APLP2: variants seen among roughly 807,000 people sequenced by gnomAD.
The protein encoded by APLP2 is CDEI box-binding protein.
Under a neutral mutation model 89.9 loss-of-function variants are expected in APLP2, and 53 were observed. The ratio of observed to expected loss-of-function variants is 0.59; its 90% CI spans 0.47 to 0.74. The LOEUF (loss-of-function observed/expected upper bound fraction) is 0.74. Ranked by LOEUF, APLP2 falls within the 30% of genes least tolerant of loss-of-function variation. The probability of loss-of-function intolerance (pLI) is 0.00; values close to 1 mark genes in which losing one functional copy is unlikely to be tolerated. For missense variants in APLP2, 973 were observed against 975.9 expected (o/e 1.00, Z 0.04); for synonymous variants, 372 against 348.6 (o/e 1.07, Z -0.75).
intron 3 of APLP2, among the ~76,000 whole-genome samples, chr11:130,120,321 T>C (rs954044733): frequency 3.3e-5 from 5 of 152,182 alleles, no homozygotes; most frequent in Admixed American, 2.0e-4. Context: ...TGGTTTTAGT[T>C]TCTTGGGCAT....
At chr11:130,109,212 A>C (rs1591806867) in intron 1 of APLP2, 2 of 356,132 alleles carry the variant, frequency 5.6e-6, no homozygotes, top group Non-Finnish European at 9.6e-6. Context: ...TAAAATAAAT[A>C]AAAAAGTTTT....
chr11:130,113,181 A>G (rs11221968), intron 3 of APLP2, among the ~76,000 whole-genome samples: 14,820 of 152,206 alleles, frequency 0.097, 1,068 homozygotes, highest in African/African-American at 0.19. Flanking sequence ...CCTCAGCACC[A>G]TGGTAGTGCC....
rs1455920847 is a variant in APLP2 at position 130,126,737 on chromosome 11, G to A, written c.1128G>A (p.Val376=). The A allele has an allele frequency of 1.9e-6, 3 of 1,614,166 alleles. No individual in the cohort carries two copies. Among genetic ancestry groups the A allele is most frequent in the Non-Finnish European group, 8.5e-7 (1 of 1,180,032 alleles). ...PTPLPTNDVD[V]YFETSADDNE... is the part of the protein sequence containing the mutation. ...CTCTGCCAACCAATGATGTTGATGTGTATTTCGAGACCTCTGCAGATGATA... is the reference window on the plus strand; with the variant it reads ...CTCTGCCAACCAATGATGTTGATGTATATTTCGAGACCTCTGCAGATGATA... Residue 376 remains valine (V), a synonymous_variant, in exon 8 of 17, where the codon GTG becomes GTA. Transcript: ENST00000338167.
At chr11:130,077,626 A>G (rs1352163665) in intron 1 of APLP2, among the ~76,000 whole-genome samples, 1 of 151,292 alleles carries the variant, frequency 6.6e-6, no homozygotes, top group Non-Finnish European at 1.5e-5. Flanking sequence ...AAAAAAAACA[A>G]AAAACCACTG....
At chr11:130,111,269 A>G (rs1460266867) in intron 3 of APLP2, among the ~76,000 whole-genome samples, 2 of 152,194 alleles carry the variant, frequency 1.3e-5, no homozygotes, top group Non-Finnish European at 2.9e-5. Context: ...TGTTGCTTCA[A>G]ATGCTCAGGG....
intron 12 of APLP2, 52 bp from the exon 13 acceptor site, chr11:130,135,511 A>G: frequency 6.3e-7 from 1 of 1,588,982 alleles, no homozygotes; most frequent in South Asian, 1.1e-5. Flanking sequence ...CTGTGCCTGG[A>G]CACCAGGCCC....
Position 130,135,608 on chromosome 11 carries a change from C to T in APLP2, c.1730C>T (p.Ala577Val). 2.5e-6 allele frequency: 4 copies of T among 1,614,160 alleles called. No homozygotes were observed. Among genetic ancestry groups the T allele is most frequent in the Non-Finnish European group, 2.5e-6 (3 of 1,180,038 alleles). The stretch of plus-strand genomic sequence containing the variant: ...CGTGCAGATATGGACCAGTTCACTG[C>T]CTCAATCTCAGAGACCCCTGTGGAC... ...EQRADMDQFT[A>V]SISETPVDVR... Residue 577 changes from alanine to valine, a missense_variant, in exon 13 of 17, where the codon GCC (alanine) becomes GTC (valine). By Grantham distance (64) the Ala-to-Val change is moderately conservative (BLOSUM62 0). Transcript: ENST00000338167.
Position 130,141,808 on chromosome 11 carries a change from T to C in APLP2, c.1999-111T>C. On this transcript the variant is annotated intron_variant, in intron 15 of 16. Transcript: ENST00000338167. This position sits in a 1 kb window ranked among gnomAD's most constrained non-coding sequence, Gnocchi z 4.2. ...CTGCAAAGCAGGATCTTGGTGCTAC[T>C]TTGGGTTTTAGGGGCTCGACCTTCC... 7.5e-7 allele frequency: 1 copy of C among 1,331,938 alleles called. No homozygotes were observed. The highest frequency in any genetic ancestry group is 1.0e-6 in the Non-Finnish European group (1 of 968,268). 82.5% of individuals were successfully genotyped at this position (1,331,938 alleles called of 1,614,324 possible).
intron 1 of APLP2, among the ~76,000 whole-genome samples, chr11:130,087,834 T>TA (rs1299173661): frequency 4.6e-5 from 7 of 152,096 alleles, no homozygotes; most frequent in South Asian, 2.1e-4. Context: ...GGATCTACAT[T>TA]AAAAAAAATC....
Position 130,126,701 on chromosome 11 carries a change from TC to T in APLP2, c.1094del (p.Pro365LeufsTer44). On this transcript the variant is annotated frameshift_variant and splice_region_variant, in exon 8 of 17. Transcript: ENST00000338167. LOFTEE classifies it high-confidence loss of function. ...YCMAVCKAMI[P>X]PTPLPTNDVD... ...ACTCCCTCTGTAATTTTGTTTCAGT[TC>T]CTCCAACTCCTCTGCCAACCAATGA... The T allele has an allele frequency of 6.2e-7, 1 of 1,613,764 alleles. No homozygotes were observed. The highest frequency in any genetic ancestry group is 8.5e-7 in the Non-Finnish European group (1 of 1,179,654).
At chr11:130,135,083 T>A (rs779344861) in intron 12 of APLP2, among the ~76,000 whole-genome samples, 1 of 150,924 alleles carries the variant, frequency 6.6e-6, no homozygotes, top group Non-Finnish European at 1.5e-5. Context: ...AAGTGGTAGT[T>A]GTAGTTACGT....
chr11:130,115,245 GTGTC>G (rs1267445393), intron 3 of APLP2, among the ~76,000 whole-genome samples: 1 of 151,920 alleles, frequency 6.6e-6, no homozygotes, highest in Non-Finnish European at 1.5e-5. Context: ...TATATAGTAG[GTGTC>G]TGTATTTATG....
intron 1 of APLP2, among the ~76,000 whole-genome samples, chr11:130,088,076 G>C (rs1348581056): frequency 6.6e-6 from 1 of 152,214 alleles, no homozygotes; most frequent in Admixed American, 6.5e-5. Context: ...TGTATGTGTA[G>C]TCAGTGAAGA....
At chr11:130,112,342 CTT>C (rs1190948431) in intron 3 of APLP2, among the ~76,000 whole-genome samples, 3 of 152,122 alleles carry the variant, frequency 2.0e-5, no homozygotes, top group Admixed American at 2.0e-4. Flanking sequence ...AAGCAAGTAT[CTT>C]TTGAAAATCG....
rs1163271774 is a variant in APLP2 at position 130,140,598 on chromosome 11, A to G, written c.1923+115A>G. On this transcript the variant is annotated intron_variant, in intron 14 of 16. Transcript: ENST00000338167. ...TCTCTGTGTTCGTTTTCCGCACAGT[A>G]GAAGGTTGGAGGGCTCCAACGGCTC... The G allele has an allele frequency of 2.3e-5, 17 of 753,850 alleles. No individual in the cohort carries two copies. In the Admixed American group the frequency reaches 2.3e-4, roughly 10 times the overall value. The allele number at this position is 753,850 out of a possible 1,614,324, so 46.7% of individuals were successfully genotyped here.
chr11:130,109,286 T>G, intron 1 of APLP2, 143 bp from the exon 2 acceptor site: 1 of 740,758 alleles, frequency 1.3e-6, no homozygotes, highest in Non-Finnish European at 2.0e-6. Context: ...TTCTAGCTCC[T>G]GGGAAAAGGA....
At chr11:130,132,169 G>T (rs1951000812) in intron 11 of APLP2, among the ~76,000 whole-genome samples, 1 of 152,164 alleles carries the variant, frequency 6.6e-6, no homozygotes, top group Non-Finnish European at 1.5e-5. Flanking sequence ...TCTGGGAGGT[G>T]TAGCAGGACA....
intron 1 of APLP2, among the ~76,000 whole-genome samples, chr11:130,088,080 G>A (rs1352872811): frequency 6.6e-6 from 1 of 152,230 alleles, no homozygotes; most frequent in African/African-American, 2.4e-5. Flanking sequence ...TGTGTAGTCA[G>A]TGAAGATGCT....
At chr11:130,110,884 C>T (rs1387578153) in intron 3 of APLP2, among the ~76,000 whole-genome samples, 26 of 152,086 alleles carry the variant, frequency 1.7e-4, no homozygotes, top group Admixed American at 1.7e-3. Context: ...GACATCCTTC[C>T]TCAGGACTGA....
Sources: allele counts gnomAD v4.1 joint callset (sites outside exome capture counted in the v4.1 genomes callset), GRCh38; gene constraint gnomAD v4.1.1; non-coding constraint Gnocchi (gnomAD v3.1); transcripts MANE v1.5; gene names NCBI Gene and HGNC (gene_info 2026-07-23, HGNC 2026-07-21).